The following CAST variants were observed in gnomAD, a reference collection of about 807,000 sequenced individuals.
CAST encodes the protein calpastatin.
In CAST, 76 loss-of-function variants were observed where a neutral mutation model predicts 119.6. The ratio of observed to expected loss-of-function variants is 0.64; its 90% CI spans 0.53 to 0.77. The LOEUF (loss-of-function observed/expected upper bound fraction) is 0.77, where lower values mean the gene tolerates loss of function less well. Among genes scored for constraint, CAST ranks in the 30% least tolerant of loss-of-function variants. The pLI is 0.00. For synonymous variants in CAST, 319 were observed against 331.6 expected, an observed-to-expected ratio of 0.96 and a Z score of 0.41; for missense variants, 953 against 946.5, an observed-to-expected ratio of 1.01 and a Z score of -0.09.
intron 1 of CAST, among the ~76,000 whole-genome samples, chr5:96,605,850 C>G (rs2150195077): frequency 6.6e-6 from 1 of 152,320 alleles, no homozygotes; most frequent in African/African-American, 2.4e-5. Context: ...AGTTTGGGCT[C>G]TACTTTCCTA....
intron 1 of CAST, among the ~76,000 whole-genome samples, chr5:96,578,342 C>T (rs1449821694): frequency 6.6e-6 from 1 of 150,400 alleles, no homozygotes; most frequent in East Asian, 2.0e-4. Flanking sequence ...TTCTTATGGA[C>T]CGCATATAGT....
At chr5:96,167,156 T>C in the CAST span, among the ~76,000 whole-genome samples, 1 of 152,106 alleles carries the variant, frequency 6.6e-6, no homozygotes, top group East Asian at 1.9e-4. Context: ...ACCCAGGACA[T>C]CCAATTAGAG....
At position 96,718,417 on chromosome 5, in the gene CAST, G is replaced by A. The variant is rs190932641; in HGVS notation, c.211-4222G>A. ...CACTGGAGGGAGGGAGGAGGGTAAG[G>A]ATTGAAAAACTACCTATCAGGTACT... is the stretch of plus-strand genomic sequence containing the variant. On this transcript the variant is annotated intron_variant, in intron 3 of 31. Transcript: ENST00000675179. Among the ~76,000 whole-genome samples the A allele has an allele frequency of 2.8e-3, 433 of 152,160 alleles. 4 individuals carry two copies. Among genetic ancestry groups the A allele is most frequent in the Middle Eastern group, 6.8e-3 (2 of 294 alleles).
chr5:96,100,590 C>G, the CAST span, among the ~76,000 whole-genome samples: 14 of 152,174 alleles, frequency 9.2e-5, no homozygotes, highest in Admixed American at 8.5e-4. Context: ...CTTGTGCACT[C>G]TCTACCTGGG....
At chr5:96,423,506 G>T in the CAST span, 2 of 1,582,468 alleles carry the variant, frequency 1.3e-6, no homozygotes, top group South Asian at 1.1e-5. Flanking sequence ...TCATTTGCTT[G>T]CTACAAAATG....
At chr5:96,444,350 G>A in the CAST span, among the ~76,000 whole-genome samples, 1 of 152,282 alleles carries the variant, frequency 6.6e-6, no homozygotes, top group East Asian at 1.9e-4. Context: ...TACCTGCCTT[G>A]ATGTTCTGAC....
At chr5:96,321,338 G>A in the CAST span, among the ~76,000 whole-genome samples, 1 of 152,180 alleles carries the variant, frequency 6.6e-6, no homozygotes, top group African/African-American at 2.4e-5. Context: ...ATTGACTGGT[G>A]TCTCCTGCCT....
At chr5:96,552,411 T>G (rs1311622460) in intron 1 of CAST, among the ~76,000 whole-genome samples, 2 of 152,118 alleles carry the variant, frequency 1.3e-5, no homozygotes, top group Non-Finnish European at 2.9e-5. Flanking sequence ...TGGGAAACAT[T>G]GAAAGCAGTG....
At chr5:96,266,986 A>C in the CAST span, among the ~76,000 whole-genome samples, 1 of 152,218 alleles carries the variant, frequency 6.6e-6, no homozygotes, top group Non-Finnish European at 1.5e-5. Flanking sequence ...AACTTTTAAA[A>C]ATCAAACAGA....
At chr5:96,160,121 A>G in the CAST span, among the ~76,000 whole-genome samples, 1 of 152,000 alleles carries the variant, frequency 6.6e-6, no homozygotes, top group South Asian at 2.1e-4. Context: ...GCCTGGGAGA[A>G]CAGAGCAAGA....
the CAST span, among the ~76,000 whole-genome samples, chr5:96,132,221 A>G: frequency 6.6e-6 from 1 of 151,926 alleles, no homozygotes; most frequent in South Asian, 2.1e-4. Flanking sequence ...GTAAAGTTGC[A>G]AAAGATAATG....
upstream of CAST, among the ~76,000 whole-genome samples, chr5:96,521,318 T>C (rs1303307261): frequency 6.6e-6 from 1 of 152,202 alleles, no homozygotes; most frequent in Non-Finnish European, 1.5e-5. Context: ...TGGCACACAG[T>C]ACTCTGCAGG....
At chr5:96,147,496 A>G in the CAST span, among the ~76,000 whole-genome samples, 4 of 152,028 alleles carry the variant, frequency 2.6e-5, no homozygotes, top group East Asian at 5.8e-4. Flanking sequence ...CCAGCTACTC[A>G]GGAGGCTGAG....
At chr5:96,382,057 GT>G in the CAST span, among the ~76,000 whole-genome samples, 1 of 152,194 alleles carries the variant, frequency 6.6e-6, no homozygotes, top group African/African-American at 2.4e-5. Flanking sequence ...TGAAAAAGGT[GT>G]ATGAGGTCTT....
At chr5:95,998,673 T>C in the CAST span, among the ~76,000 whole-genome samples, 1 of 152,186 alleles carries the variant, frequency 6.6e-6, no homozygotes, top group African/African-American at 2.4e-5. Context: ...AATACTTAGG[T>C]TGATTTCATA....
the CAST span, among the ~76,000 whole-genome samples, chr5:95,985,016 C>T: frequency 2.2e-5 from 3 of 138,788 alleles, no homozygotes; most frequent in Middle Eastern, 3.7e-3. Context: ...TTTATAGTTA[C>T]CTATATGGCT....
chr5:96,107,433 T>G, the CAST span, among the ~76,000 whole-genome samples: 1 of 152,034 alleles, frequency 6.6e-6, no homozygotes, highest in African/African-American at 2.4e-5. Context: ...TGACAAAATC[T>G]CTCAGCATTT....
intron 1 of CAST, among the ~76,000 whole-genome samples, chr5:96,552,170 A>G (rs766749954): frequency 6.6e-5 from 10 of 152,200 alleles, no homozygotes; most frequent in Admixed American, 4.6e-4. Context: ...AATTGGAAGT[A>G]AAACACTCCT....
At chr5:96,737,457 C>CCA (rs1761901546) in intron 10 of CAST, among the ~76,000 whole-genome samples, 1 of 152,160 alleles carries the variant, frequency 6.6e-6, no homozygotes, top group Admixed American at 6.5e-5. Context: ...GCAATAAATA[C>CCA]CAAGCATTTC....
Sources: gnomAD v4.1 joint callset for allele counts (sites outside exome capture counted in the v4.1 genomes callset) on GRCh38, gnomAD v4.1.1 for gene constraint, MANE v1.5 for transcripts, NCBI Gene and HGNC (gene_info 2026-07-23, HGNC 2026-07-21) for gene names.